Variants in DOCK4 observed in about 807,000 individuals in gnomAD.
DOCK4 encodes the protein dedicator of cytokinesis protein 4.
In DOCK4, 97 loss-of-function variants were observed where a neutral mutation model predicts 268.1. That is an observed-to-expected ratio of 0.36 (90% confidence interval 0.31 to 0.43). DOCK4 has a LOEUF of 0.43. Among genes scored for constraint, DOCK4 ranks in the 20% least tolerant of loss-of-function variants. The pLI is 1.00. For synonymous variants in DOCK4, 954 were observed against 887.2 expected (o/e 1.08, Z -1.34); for missense variants, 2,145 against 2,455.7 (o/e 0.87, Z 2.67).
chr7:112,137,092 A>G (rs74301840), intron 1 of DOCK4, among the ~76,000 whole-genome samples: 40,759 of 152,138 alleles, frequency 0.27, 6,566 homozygotes, highest in East Asian at 0.47. Flanking sequence ...ACAGCAAGAA[A>G]GAAAAGGTAT....
Position 111,845,429 on chromosome 7 carries a change from C to T in DOCK4, c.2602-532G>A, listed in dbSNP as rs78248765. 7.7e-3 allele frequency among the ~76,000 whole-genome samples: 1,169 copies of T among 152,290 alleles called. 20 individuals are homozygous for T. The highest frequency in any genetic ancestry group is 0.027 in the African/African-American group (1,129 of 41,550). On this transcript the variant is annotated intron_variant, in intron 24 of 52. Transcript: ENST00000428084. Reference sequence around the variant, plus strand: ...TGGCCCAGACAAATACCCTTAGCTACAGAGTGGATCTAAGGTCAGTGGCCA... The same window carrying T: ...TGGCCCAGACAAATACCCTTAGCTATAGAGTGGATCTAAGGTCAGTGGCCA...
chr7:111,735,115 C>T lies in DOCK4; in HGVS notation c.5358G>A (p.Lys1786=), dbSNP rs371352582. 98 of 1,601,236 alleles carry T rather than the reference C, an allele frequency of 6.1e-5. No homozygotes were observed. The highest frequency in any genetic ancestry group is 7.7e-5 in the Non-Finnish European group (90 of 1,173,842). Residue 1786 remains lysine, a synonymous_variant, in exon 51 of 53, where the codon AAG becomes AAA. Transcript: ENST00000428084. Reference sequence around the variant, plus strand: ...TAAGTTTCCCACTATCCGACATGTTCTTGGCTTCCTTCCCACTGTCCAGGC... The same window carrying T: ...TAAGTTTCCCACTATCCGACATGTTTTTGGCTTCCTTCCCACTGTCCAGGC... ...SWSLDSGKEA[K]NMSDSGKLIS...
intron 1 of DOCK4, among the ~76,000 whole-genome samples, chr7:112,098,029 A>G (rs1810309526): frequency 6.6e-6 from 1 of 152,212 alleles, no homozygotes; most frequent in Non-Finnish European, 1.5e-5. Context: ...TCCATGCTAC[A>G]CAATTATCAG....
At chr7:112,077,584 T>C (rs773455099) in intron 1 of DOCK4, among the ~76,000 whole-genome samples, 6 of 152,142 alleles carry the variant, frequency 3.9e-5, no homozygotes, top group Non-Finnish European at 7.4e-5. Context: ...AAGTGAGTTG[T>C]GGTATCATGC....
intron 30 of DOCK4, among the ~76,000 whole-genome samples, chr7:111,795,361 A>G (rs1212517632): frequency 6.6e-6 from 1 of 152,186 alleles, no homozygotes; most frequent in Non-Finnish European, 1.5e-5. Flanking sequence ...GGTTCATGAT[A>G]GGCACATCAC....
chr7:111,774,183 G>A (rs191330278), intron 36 of DOCK4, among the ~76,000 whole-genome samples: 65 of 152,094 alleles, frequency 4.3e-4, no homozygotes, highest in Admixed American at 2.0e-3. Context: ...AGAAATCTGG[G>A]GCCGGACATG....
At position 111,728,019 on chromosome 7, in the gene DOCK4, G is replaced by A. The variant is rs935346330; in HGVS notation, c.*255C>T. On this transcript the variant is annotated 3_prime_UTR_variant, in exon 53 of 53. Coordinates refer to ENST00000428084, the MANE Select transcript of DOCK4 (RefSeq NM_001363540.2). ...AAAGTGAACATAAAAAGGTACAAAAGGAGTCTTTATCACTATTTACCACTT... is the reference window on the plus strand; with the variant it reads ...AAAGTGAACATAAAAAGGTACAAAAAGAGTCTTTATCACTATTTACCACTT... 1.4e-4 allele frequency: 54 copies of A among 383,292 alleles called. No homozygotes were observed. Among genetic ancestry groups the A allele is most frequent in the South Asian group, 1.4e-4 (1 of 6,984 alleles). 23.7% of individuals were successfully genotyped at this position (383,292 alleles called of 1,614,324 possible).
At position 111,811,682 on chromosome 7, in the gene DOCK4, T is replaced by G. The variant is rs576616476; in HGVS notation, c.3006+192A>C. ...TGTATAGTAACAATAAAAAACTATC[T>G]CCTTTTAAGCGCTATGATCTCCTTT... On this transcript the variant is annotated intron_variant, in intron 28 of 52. Transcript: ENST00000428084. Among the ~76,000 whole-genome samples the G allele has an allele frequency of 2.6e-5, 4 of 152,046 alleles. No homozygotes were observed. In the East Asian group the frequency reaches 7.7e-4, roughly 29 times the overall value.
intron 23 of DOCK4, among the ~76,000 whole-genome samples, chr7:111,855,817 C>T (rs1161890715): frequency 6.6e-6 from 1 of 152,232 alleles, no homozygotes; most frequent in Middle Eastern, 3.4e-3. Context: ...TCTATTGGTT[C>T]AATTTGTTAT....
chr7:112,086,928 C>G (rs78192283), intron 1 of DOCK4, among the ~76,000 whole-genome samples: 8,093 of 152,070 alleles, frequency 0.053, 698 homozygotes, highest in African/African-American at 0.18. Context: ...AGCACCCCCA[C>G]CACCCCTGAA....
In DOCK4 at chr7:112,179,776, T is replaced by A. The variant is rs186109730; in HGVS notation, c.37+26326A>T. Among the ~76,000 whole-genome samples the A allele has an allele frequency of 2.1e-3, 325 of 152,268 alleles. 2 individuals are homozygous for A. Among genetic ancestry groups the A allele is most frequent in the African/African-American group, 7.5e-3 (312 of 41,540 alleles). On this transcript the variant is annotated intron_variant, in intron 1 of 52. Transcript: ENST00000428084. ...ATGCTGTCAAGATTTAGGAGATTAGTATAGATTTAAAACCCCTCAAAATCA... is the reference window on the plus strand; with the variant it reads ...ATGCTGTCAAGATTTAGGAGATTAGAATAGATTTAAAACCCCTCAAAATCA...
At chr7:112,065,476 T>C (rs1389619128) in intron 1 of DOCK4, among the ~76,000 whole-genome samples, 1 of 151,434 alleles carries the variant, frequency 6.6e-6, no homozygotes, top group Non-Finnish European at 1.5e-5. Context: ...TCCATTATCT[T>C]ACCTGGTAGA....
chr7:112,165,946 C>T (rs1817578756), intron 1 of DOCK4, among the ~76,000 whole-genome samples: 1 of 152,100 alleles, frequency 6.6e-6, no homozygotes, highest in African/African-American at 2.4e-5. Flanking sequence ...TTCTGTATCT[C>T]TAGCACTATC....
At chr7:111,961,137 C>T (rs1796857480) in intron 8 of DOCK4, among the ~76,000 whole-genome samples, 1 of 152,102 alleles carries the variant, frequency 6.6e-6, no homozygotes, top group Non-Finnish European at 1.5e-5. Flanking sequence ...TCCCTCTGTC[C>T]TCTCTTTTGC....
intron 26 of DOCK4, among the ~76,000 whole-genome samples, chr7:111,831,542 T>C (rs1429764745): frequency 3.3e-5 from 5 of 150,562 alleles, no homozygotes; most frequent in African/African-American, 1.2e-4. Flanking sequence ...TGGAGAGGAG[T>C]GGTGCAATCA....
intron 26 of DOCK4, among the ~76,000 whole-genome samples, chr7:111,828,193 GT>G (rs1802547207): frequency 6.6e-6 from 1 of 152,118 alleles, no homozygotes; most frequent in African/African-American, 2.4e-5. Flanking sequence ...ATAATATTAT[GT>G]TCTAGAGAAG....
At chr7:111,734,915 G>A (rs771194343) in intron 51 of DOCK4, 139 bp downstream of exon 51, 3 of 681,668 alleles carry the variant, frequency 4.4e-6, no homozygotes, top group East Asian at 2.7e-5. Flanking sequence ...GGAGACAATT[G>A]TCAAGGAATT....
chr7:112,077,818 T>C (rs1808220391), intron 1 of DOCK4, among the ~76,000 whole-genome samples: 1 of 152,160 alleles, frequency 6.6e-6, no homozygotes, highest in Non-Finnish European at 1.5e-5. Flanking sequence ...TGTTATTCAT[T>C]CTAATAAAAA....
At chr7:112,036,659 T>C (rs1038597218) in intron 1 of DOCK4, among the ~76,000 whole-genome samples, 8 of 146,302 alleles carry the variant, frequency 5.5e-5, no homozygotes, top group Non-Finnish European at 1.1e-4. Flanking sequence ...AGGATTTCTT[T>C]TTTTTTTTTT....
Sources: allele counts gnomAD v4.1 joint callset (sites outside exome capture counted in the v4.1 genomes callset), GRCh38; gene constraint gnomAD v4.1.1; transcripts MANE v1.5; gene names NCBI Gene and HGNC (gene_info 2026-07-23, HGNC 2026-07-21).